The following CCBE1 variants were observed in gnomAD, a reference collection of about 807,000 sequenced individuals.
The protein encoded by CCBE1 is collagen and calcium binding EGF domains 1.
Under a neutral mutation model 50.0 loss-of-function variants are expected in CCBE1, and 37 were observed. The ratio of observed to expected loss-of-function variants is 0.74; its 90% CI spans 0.57 to 0.97. The LOEUF (loss-of-function observed/expected upper bound fraction) is 0.97. Among genes scored for constraint, CCBE1 ranks in the 50% least tolerant of loss-of-function variants. The pLI is 0.00. For missense variants in CCBE1, 538 were observed against 523.8 expected (o/e 1.03, Z -0.26); for synonymous variants, 234 against 203.7 (o/e 1.15, Z -1.27).
At chr18:59,671,912 G>A (rs1186511997) in intron 2 of CCBE1, among the ~76,000 whole-genome samples, 1 of 152,102 alleles carries the variant, frequency 6.6e-6, no homozygotes, top group Non-Finnish European at 1.5e-5. Flanking sequence ...AAAGCTGGCA[G>A]GACGCTGGTT....
intron 2 of CCBE1, among the ~76,000 whole-genome samples, chr18:59,488,953 C>CT (rs751977408): frequency 2.0e-5 from 3 of 152,176 alleles, no homozygotes; most frequent in Non-Finnish European, 4.4e-5. Context: ...CTGCTATAGT[C>CT]TAACTCCCAC....
chr18:59,449,846 C>T (rs887848731), intron 6 of CCBE1, among the ~76,000 whole-genome samples: 2 of 152,172 alleles, frequency 1.3e-5, no homozygotes, highest in Non-Finnish European at 2.9e-5. Flanking sequence ...CCCCAGTCCT[C>T]TTTGCTTGAT....
Position 59,581,398 on chromosome 18 carries a change from G to A in CCBE1, c.213-101160C>T, listed in dbSNP as rs144147782. Among the ~76,000 whole-genome samples, 38 of 148,634 alleles carry A rather than the reference G, an allele frequency of 2.6e-4. 1 individual carries two copies. The highest frequency in any genetic ancestry group is 8.5e-4 in the African/African-American group (34 of 39,966). ...GGAAATCTCAGTGAGCCGAGATCAC[G>A]CCACTGCACTCCAGCCTGGTGACAG... On this transcript the variant is annotated intron_variant, in intron 2 of 10. Transcript: ENST00000439986.
At chr18:59,546,113 G>C (rs776438951) in intron 2 of CCBE1, among the ~76,000 whole-genome samples, 15 of 152,082 alleles carry the variant, frequency 9.9e-5, no homozygotes, top group Non-Finnish European at 2.1e-4. Context: ...TCACCAAAAC[G>C]TATGACATTC....
chr18:59,690,892 C>G (rs1472359021), intron 2 of CCBE1, among the ~76,000 whole-genome samples: 1 of 152,242 alleles, frequency 6.6e-6, no homozygotes, highest in Non-Finnish European at 1.5e-5. Context: ...CACATGTCCT[C>G]TTCAGGTGTT....
intron 2 of CCBE1, among the ~76,000 whole-genome samples, chr18:59,493,786 G>T (rs1913221923): frequency 6.6e-6 from 1 of 152,138 alleles, no homozygotes; most frequent in Non-Finnish European, 1.5e-5. Context: ...ATCTCAAATT[G>T]CATCTCCCAC....
At chr18:59,459,569 T>G (rs1000871146) in intron 5 of CCBE1, among the ~76,000 whole-genome samples, 8 of 152,190 alleles carry the variant, frequency 5.3e-5, no homozygotes, top group Non-Finnish European at 1.2e-4. Context: ...GGCATGAAGC[T>G]CTAATTTTTC....
At chr18:59,448,671 G>T (rs368875037) in intron 6 of CCBE1, among the ~76,000 whole-genome samples, 14 of 152,282 alleles carry the variant, frequency 9.2e-5, no homozygotes, top group African/African-American at 2.4e-4. Flanking sequence ...GTGATCACGG[G>T]AGTCAATTCT....
chr18:59,480,013 C>G (rs1912491579), intron 3 of CCBE1, among the ~76,000 whole-genome samples, 173 bp downstream of exon 3: 1 of 152,138 alleles, frequency 6.6e-6, no homozygotes, highest in African/African-American at 2.4e-5. Flanking sequence ...ACACTGCACG[C>G]TACATATAAC....
At chr18:59,502,394 C>T (rs528903749) in intron 2 of CCBE1, among the ~76,000 whole-genome samples, 6 of 152,154 alleles carry the variant, frequency 3.9e-5, no homozygotes, top group Non-Finnish European at 7.3e-5. Flanking sequence ...CTGATTTGGG[C>T]AACCCAAGAA....
At position 59,628,678 on chromosome 18, in the gene CCBE1, G is replaced by A. The variant is rs368942859; in HGVS notation, c.212+67951C>T. Among the ~76,000 whole-genome samples the A allele has an allele frequency of 5.3e-5, 8 of 152,242 alleles. No individual in the cohort carries two copies. The East Asian group carries it at 1.5e-3, about 29-fold the overall frequency. On this transcript the variant is annotated intron_variant, in intron 2 of 10. Coordinates refer to ENST00000439986, the MANE Select transcript of CCBE1 (RefSeq NM_133459.4). The stretch of plus-strand genomic sequence containing the variant: ...AACCTGAGACAATCAAGTAGCCTTG[G>A]GAAAGGGCTTCTTCATTCAAGTCAG...
chr18:59,490,577 G>A (rs1273788194), intron 2 of CCBE1, among the ~76,000 whole-genome samples: 1 of 152,160 alleles, frequency 6.6e-6, no homozygotes, highest in Non-Finnish European at 1.5e-5. Flanking sequence ...GTTCATGAAT[G>A]CATGTTTGGC....
chr18:59,571,418 A>G (rs2052912808), intron 2 of CCBE1, among the ~76,000 whole-genome samples: 2 of 142,472 alleles, frequency 1.4e-5, no homozygotes, highest in Non-Finnish European at 3.1e-5. Flanking sequence ...ATAGGTGGGA[A>G]TTGAACAATG....
chr18:59,460,599 G>T (rs183394378), intron 5 of CCBE1, among the ~76,000 whole-genome samples: 2 of 152,296 alleles, frequency 1.3e-5, no homozygotes, highest in East Asian at 3.9e-4. Flanking sequence ...TGCTTAGAAG[G>T]TGTGGAGGCT....
At chr18:59,503,928 T>C (rs577380677) in intron 2 of CCBE1, among the ~76,000 whole-genome samples, 14 of 152,326 alleles carry the variant, frequency 9.2e-5, no homozygotes, top group South Asian at 6.2e-4. Context: ...GACATTGCTG[T>C]CTCCTCCTTT....
In CCBE1 at chr18:59,514,646, A is replaced by G. The variant is rs559411782; in HGVS notation, c.213-34408T>C. 3.1e-3 allele frequency among the ~76,000 whole-genome samples: 237 copies of G among 76,918 alleles called. 2 individuals are homozygous for G. Among genetic ancestry groups the G allele is most frequent in the East Asian group, 0.019 (65 of 3,432 alleles). 50.5% of individuals were successfully genotyped at this position (76,918 alleles called of 152,430 possible). A position where few individuals can be genotyped will look rare whatever the true frequency, so the allele number is the denominator to read the frequency against. ...TTTTTTTTTTTCTTTCCTTTCCTTG[A>G]AAAAAAAAAAAAAAAGGAGGCTACA... On this transcript the variant is annotated intron_variant, in intron 2 of 10. Coordinates refer to ENST00000439986, the MANE Select transcript of CCBE1 (RefSeq NM_133459.4).
intron 2 of CCBE1, among the ~76,000 whole-genome samples, chr18:59,530,951 A>G (rs770681352): frequency 7.9e-5 from 12 of 152,232 alleles, no homozygotes; most frequent in Non-Finnish European, 1.8e-4. Context: ...ATAATATTTA[A>G]TAGGATGTTT....
At chr18:59,494,847 C>T (rs1913273020) in intron 2 of CCBE1, among the ~76,000 whole-genome samples, 1 of 152,148 alleles carries the variant, frequency 6.6e-6, no homozygotes, top group Admixed American at 6.5e-5. Context: ...ATGAAGCCAA[C>T]AATGGATAAA....
chr18:59,596,626 A>G (rs2053354304), intron 2 of CCBE1, among the ~76,000 whole-genome samples: 1 of 152,208 alleles, frequency 6.6e-6, no homozygotes, highest in African/African-American at 2.4e-5. Flanking sequence ...GCCTCAGCCC[A>G]GGTTCTCACA....
Sources: gnomAD v4.1 joint callset for allele counts (sites outside exome capture counted in the v4.1 genomes callset) on GRCh38, gnomAD v4.1.1 for gene constraint, MANE v1.5 for transcripts, NCBI Gene and HGNC (gene_info 2026-07-23, HGNC 2026-07-21) for gene names.